ENPP3: variants seen among roughly 807,000 people sequenced by gnomAD.
ENPP3 encodes ectonucleotide pyrophosphatase/phosphodiesterase family member 3.
ENPP3 carries 104 observed loss-of-function variants against 117.8 expected under a neutral mutation model. That is an observed-to-expected ratio of 0.88 (90% CI 0.75 to 1.04). The LOEUF is 1.04. Ranked by LOEUF, ENPP3 falls within the 50% of genes least tolerant of loss-of-function variation. The probability of loss-of-function intolerance (pLI) is 0.00; values close to 1 mark genes in which losing one functional copy is unlikely to be tolerated. For synonymous variants in ENPP3, 380 were observed against 349.9 expected, an observed-to-expected ratio of 1.09 and a Z score of -0.96; for missense variants, 1,026 against 1,051.9, an observed-to-expected ratio of 0.98 and a Z score of 0.34.
At chr6:131,652,942 A>G (rs370295791) in intron 5 of ENPP3, 51 bp downstream of exon 5, 3 of 1,254,182 alleles carry the variant, frequency 2.4e-6, no homozygotes, top group Non-Finnish European at 3.5e-6. Flanking sequence ...AAAGGTGCAC[A>G]TAAGAATGTA....
chr6:131,683,020 A>G (rs1343893499), intron 11 of ENPP3, 34 bp from the exon 12 acceptor site: 20 of 1,291,094 alleles, frequency 1.5e-5, no homozygotes, highest in Admixed American at 3.4e-5. Flanking sequence ...AAGACAACTC[A>G]TTACGACAAT....
At chr6:131,733,921 A>G (rs913844748) in intron 21 of ENPP3, among the ~76,000 whole-genome samples, 198 bp downstream of exon 21, 2 of 152,184 alleles carry the variant, frequency 1.3e-5, no homozygotes, top group Non-Finnish European at 2.9e-5. Context: ...AGTGGGACCC[A>G]CACAGCAGCT....
intron 15 of ENPP3, among the ~76,000 whole-genome samples, chr6:131,714,062 A>G (rs1297094393): frequency 6.6e-6 from 1 of 151,204 alleles, no homozygotes; most frequent in East Asian, 2.0e-4. Context: ...ATCTTACACA[A>G]AGCCTATATT....
intron 22 of ENPP3, 112 bp from the exon 23 acceptor site, chr6:131,737,919 G>A (rs1256400827): frequency 8.5e-6 from 6 of 707,540 alleles, no homozygotes; most frequent in Admixed American, 3.7e-5. Context: ...ATCATCACTG[G>A]CAATTATTAA....
Position 131,652,862 on chromosome 6 carries a change from C to T in ENPP3, c.435C>T (p.Asp145=). 6.2e-7 allele frequency: 1 copy of T among 1,613,440 alleles called. No individual in the cohort carries two copies. Among genetic ancestry groups the T allele is most frequent in the Non-Finnish European group, 8.5e-7 (1 of 1,179,438 alleles). The stretch of plus-strand genomic sequence containing the variant: ...CCTCATGGCTGGAAGAAAACTGTGA[C>T]ACAGCCCAGCAGTCTCAGTGCCCAG... The part of the protein sequence containing the change: ...GETSWLEENC[D]TAQQSQCPEG... Residue 145 remains aspartate (D), a synonymous_variant, in exon 5 of 25, where the codon GAC becomes GAT. Coordinates refer to ENST00000357639, the MANE Select transcript of ENPP3 (RefSeq NM_005021.5).
chr6:131,664,903 T>C (rs1479136847), intron 6 of ENPP3, among the ~76,000 whole-genome samples: 1 of 152,190 alleles, frequency 6.6e-6, no homozygotes, highest in South Asian at 2.1e-4. Flanking sequence ...TGTATCCCTG[T>C]CTTTAAGCAA....
At chr6:131,737,042 A>G (rs1780411690) in intron 21 of ENPP3, among the ~76,000 whole-genome samples, 1 of 152,208 alleles carries the variant, frequency 6.6e-6, no homozygotes, top group Non-Finnish European at 1.5e-5. Context: ...CTGGATTTAC[A>G]GTCCACCCTA....
chr6:131,681,100 A>G (rs547497365), intron 11 of ENPP3, among the ~76,000 whole-genome samples: 1 of 152,320 alleles, frequency 6.6e-6, no homozygotes, highest in South Asian at 2.1e-4. Flanking sequence ...TGTCATGACA[A>G]CAGGTGGAAA....
chr6:131,643,575 G>A (rs747702169), intron 2 of ENPP3, among the ~76,000 whole-genome samples: 4 of 151,892 alleles, frequency 2.6e-5, no homozygotes, highest in African/African-American at 4.8e-5. Context: ...TTTTTCCACC[G>A]CATCTATTCT....
intron 1 of ENPP3, among the ~76,000 whole-genome samples, chr6:131,638,131 T>C (rs939520983): frequency 6.6e-6 from 1 of 152,118 alleles, no homozygotes; most frequent in Non-Finnish European, 1.5e-5. Flanking sequence ...AACCATTCCT[T>C]TGTGCTCTGG....
At chr6:131,641,580 C>A in intron 2 of ENPP3, 50 bp downstream of exon 2, 1 of 1,197,108 alleles carries the variant, frequency 8.4e-7, no homozygotes. Context: ...CTTCTCTCTT[C>A]TGGCCTTAAT....
In ENPP3 at chr6:131,720,483, G is replaced by C. The variant is rs1034829302; in HGVS notation, c.1567+104G>C. 8 of 551,894 alleles carry C rather than the reference G, an allele frequency of 1.4e-5. No individual in the cohort carries two copies. The African/African-American group carries it at 1.6e-4, about 11-fold the overall frequency. The allele number at this position is 551,894 out of a possible 1,614,324, so 34.2% of individuals were successfully genotyped here. A position where few individuals can be genotyped will look rare whatever the true frequency, so the allele number is the denominator to read the frequency against. On this transcript the variant is annotated intron_variant, in intron 17 of 24. Transcript: ENST00000357639. ...AATCCCAGAGGCTGGATGCTCTGTA[G>C]TGAGAAGGCAGAAAGTAAAAAAGAT...
chr6:131,701,727 A>G (rs1241697852), intron 15 of ENPP3, among the ~76,000 whole-genome samples: 1 of 149,860 alleles, frequency 6.7e-6, no homozygotes, highest in Non-Finnish European at 1.5e-5. Flanking sequence ...CTAAAAATAC[A>G]AAAAATTAGC....
intron 9 of ENPP3, 130 bp downstream of exon 9, chr6:131,675,319 C>T (rs892134179): frequency 3.8e-5 from 24 of 632,376 alleles, no homozygotes; most frequent in East Asian, 1.1e-4. Flanking sequence ...CCATTGATTC[C>T]TTTCCTTTAT....
intron 15 of ENPP3, among the ~76,000 whole-genome samples, chr6:131,717,351 G>GTGTGTGT (rs1779917504): frequency 4.5e-5 from 4 of 89,422 alleles, no homozygotes; most frequent in South Asian, 3.5e-4. Flanking sequence ...CCCTGCGGGG[G>GTGTGTGT]GTGTGTGTGT....
chr6:131,697,396 C>A (rs538771572), intron 15 of ENPP3, among the ~76,000 whole-genome samples: 123 of 107,026 alleles, frequency 1.1e-3, no homozygotes, highest in Non-Finnish European at 1.5e-3. Flanking sequence ...CACCAGGGAC[C>A]GGTTTCATAG....
intron 6 of ENPP3, 34 bp downstream of exon 6, chr6:131,658,454 TAA>T (rs756433651): frequency 3.5e-5 from 38 of 1,085,546 alleles, no homozygotes; most frequent in Non-Finnish European, 5.3e-5. Context: ...ATGCAAATGA[TAA>T]AGACACCTAG....
intron 5 of ENPP3, among the ~76,000 whole-genome samples, chr6:131,654,935 C>T (rs1409052196): frequency 6.6e-6 from 1 of 152,108 alleles, no homozygotes; most frequent in African/African-American, 2.4e-5. Flanking sequence ...AGGTCTTTTG[C>T]GCTAGTCACT....
intron 20 of ENPP3, among the ~76,000 whole-genome samples, chr6:131,727,729 T>G (rs1415797240): frequency 6.6e-6 from 1 of 152,176 alleles, no homozygotes; most frequent in Non-Finnish European, 1.5e-5. Context: ...ACAATCATTA[T>G]TTTTAGACTT....
Sources: gnomAD v4.1 joint callset for allele counts (sites outside exome capture counted in the v4.1 genomes callset) on GRCh38, gnomAD v4.1.1 for gene constraint, MANE v1.5 for transcripts, NCBI Gene and HGNC (gene_info 2026-07-23, HGNC 2026-07-21) for gene names.